NRXN1: variants seen among roughly 807,000 people sequenced by gnomAD.
The protein encoded by NRXN1 is neurexin-1.
Under a neutral mutation model 150.9 loss-of-function variants are expected in NRXN1, and 39 were observed. The observed-to-expected ratio is 0.26, with a 90% CI of 0.20 to 0.34. The LOEUF (loss-of-function observed/expected upper bound fraction) is 0.34, where lower values mean the gene tolerates loss of function less well. Ranked by LOEUF, NRXN1 falls within the 10% of genes least tolerant of loss-of-function variation. NRXN1 has a pLI of 1.00. For missense variants in NRXN1, 1,815 were observed against 1,949.9 expected, an observed-to-expected ratio of 0.93 and a Z score of 1.30; for synonymous variants, 924 against 757.0, an observed-to-expected ratio of 1.22 and a Z score of -3.62.
At chr2:50,255,946 G>T (rs2067658313) in intron 17 of NRXN1, among the ~76,000 whole-genome samples, 1 of 151,912 alleles carries the variant, frequency 6.6e-6, no homozygotes, top group African/African-American at 2.4e-5. Flanking sequence ...TCCTTCCTTG[G>T]AATACTGAAG....
At chr2:50,117,620 C>G (rs1703241799) in intron 18 of NRXN1, among the ~76,000 whole-genome samples, 1 of 152,070 alleles carries the variant, frequency 6.6e-6, no homozygotes, top group Non-Finnish European at 1.5e-5. Flanking sequence ...TAGCAAAAAT[C>G]ATTTCTTGTT....
At chr2:50,226,707 G>T (rs1367555516) in intron 18 of NRXN1, among the ~76,000 whole-genome samples, 1 of 151,926 alleles carries the variant, frequency 6.6e-6, no homozygotes. Context: ...ATCAGAACTA[G>T]AATCTTGCTT....
At chr2:50,254,968 G>C (rs920771797) in intron 17 of NRXN1, among the ~76,000 whole-genome samples, 6 of 151,900 alleles carry the variant, frequency 3.9e-5, no homozygotes, top group Admixed American at 2.6e-4. Flanking sequence ...TACCACACTT[G>C]GCTAATTTTT....
chr2:50,170,540 G>T (rs2059965710), intron 18 of NRXN1, among the ~76,000 whole-genome samples: 1 of 151,928 alleles, frequency 6.6e-6, no homozygotes, highest in African/African-American at 2.4e-5. Context: ...CAAGTGATTC[G>T]CCCACCTTGG....
At chr2:50,439,734 G>A (rs563219821) in intron 17 of NRXN1, among the ~76,000 whole-genome samples, 8 of 151,470 alleles carry the variant, frequency 5.3e-5, no homozygotes, top group South Asian at 2.1e-4. Flanking sequence ...GGAGAATGGC[G>A]TGAACCTGGG....
intron 17 of NRXN1, among the ~76,000 whole-genome samples, chr2:50,443,551 G>C (rs1026521873): frequency 1.3e-5 from 2 of 152,144 alleles, no homozygotes; most frequent in African/African-American, 4.8e-5. Flanking sequence ...CTGAGAATTA[G>C]AATTCCAGGG....
chr2:50,890,447 T>A (rs1415674431), intron 5 of NRXN1, among the ~76,000 whole-genome samples: 1 of 151,824 alleles, frequency 6.6e-6, no homozygotes, highest in Non-Finnish European at 1.5e-5. Context: ...TTTTATTTAA[T>A]GGAGGACATT....
intron 18 of NRXN1, among the ~76,000 whole-genome samples, chr2:50,227,276 T>G (rs1326190417): frequency 6.6e-6 from 1 of 152,018 alleles, no homozygotes; most frequent in East Asian, 1.9e-4. Flanking sequence ...ATAATTTTAA[T>G]AAATAAAAAT....
At chr2:50,421,961 C>G (rs1446192443) in intron 17 of NRXN1, among the ~76,000 whole-genome samples, 4 of 152,116 alleles carry the variant, frequency 2.6e-5, no homozygotes, top group Non-Finnish European at 5.9e-5. Flanking sequence ...CTCTGTACTT[C>G]TCCCATCTGA....
chr2:50,257,866 A>G (rs2067862202), intron 17 of NRXN1, among the ~76,000 whole-genome samples: 1 of 149,616 alleles, frequency 6.7e-6, no homozygotes, highest in South Asian at 2.1e-4. Context: ...AAAAATTTAA[A>G]TTTTTTATTG....
In NRXN1 at chr2:50,167,553, T is replaced by TA. The variant is rs1337139117; in HGVS notation, c.3546+69235dup. 7.0e-3 allele frequency among the ~76,000 whole-genome samples: 983 copies of TA among 139,646 alleles called. 3 individuals are homozygous for TA. Among genetic ancestry groups the TA allele is most frequent in the Non-Finnish European group, 9.0e-3 (572 of 63,818 alleles). The allele number at this position is 139,646 out of a possible 152,430, so 91.6% of individuals were successfully genotyped here. A position where few individuals can be genotyped will look rare whatever the true frequency, so the allele number is the denominator to read the frequency against. ...ATGCCTTTTCCTAAGGAGAAACTGT[T>TA]AAAAAAAAAAAACAACCTGATTATC... On this transcript the variant is annotated intron_variant, in intron 18 of 22. Transcript: ENST00000401669.
At chr2:50,062,577 A>G (rs937864224) in intron 19 of NRXN1, among the ~76,000 whole-genome samples, 1 of 152,218 alleles carries the variant, frequency 6.6e-6, no homozygotes, top group Non-Finnish European at 1.5e-5. Context: ...CTTCCGGGAA[A>G]TGAGAGTAAT....
At chr2:50,203,372 T>G (rs938905181) in intron 18 of NRXN1, among the ~76,000 whole-genome samples, 3 of 152,208 alleles carry the variant, frequency 2.0e-5, no homozygotes, top group Non-Finnish European at 4.4e-5. Flanking sequence ...CTTTACATTC[T>G]TGAATGTGTT....
In NRXN1 at chr2:50,785,271, C is replaced by T. The variant is rs961860931; in HGVS notation, c.832+136598G>A. 1.8e-4 allele frequency among the ~76,000 whole-genome samples: 21 copies of T among 114,624 alleles called. No homozygotes were observed. In the South Asian group the frequency reaches 4.9e-3, roughly 27 times the overall value. The allele number at this position is 114,624 out of a possible 152,430, so 75.2% of individuals were successfully genotyped here. On this transcript the variant is annotated intron_variant, in intron 5 of 22. Coordinates refer to ENST00000401669, the MANE Select transcript of NRXN1 (RefSeq NM_001330078.2). Reference sequence around the variant, plus strand: ...TTTTTTTTTTTTTTTTTTTTTGAGACGGAGTCTCATTCTGTCGCCCCCGCT... The same window carrying T: ...TTTTTTTTTTTTTTTTTTTTTGAGATGGAGTCTCATTCTGTCGCCCCCGCT...
At chr2:50,624,629 G>C (rs187781082) in intron 5 of NRXN1, among the ~76,000 whole-genome samples, 120 of 152,086 alleles carry the variant, frequency 7.9e-4, no homozygotes, top group African/African-American at 2.7e-3. Context: ...TTTATCTCTG[G>C]ATGGAGGGAG....
chr2:50,245,644 G>A (rs1423140605), intron 17 of NRXN1, among the ~76,000 whole-genome samples: 1 of 151,762 alleles, frequency 6.6e-6, no homozygotes, highest in Non-Finnish European at 1.5e-5. Flanking sequence ...GCCTAGCAAT[G>A]TCCTTTAACT....
intron 21 of NRXN1, among the ~76,000 whole-genome samples, chr2:49,963,754 CT>C (rs1399063140): frequency 6.6e-6 from 1 of 152,202 alleles, no homozygotes; most frequent in Non-Finnish European, 1.5e-5. Context: ...TTCTCAATTA[CT>C]TTCATTAAAA....
intron 5 of NRXN1, among the ~76,000 whole-genome samples, chr2:50,819,847 T>C (rs1669466465): frequency 6.6e-6 from 1 of 152,078 alleles, no homozygotes; most frequent in African/African-American, 2.4e-5. Context: ...AATCCCAACA[T>C]ATTGGTACTT....
chr2:50,190,365 A>C (rs916833160), intron 18 of NRXN1, among the ~76,000 whole-genome samples: 1 of 152,134 alleles, frequency 6.6e-6, no homozygotes, highest in African/African-American at 2.4e-5. Flanking sequence ...GGATGCATAA[A>C]AGTTTATTCT....
Sources: gnomAD v4.1 joint callset for allele counts (sites outside exome capture counted in the v4.1 genomes callset) on GRCh38, gnomAD v4.1.1 for gene constraint, MANE v1.5 for transcripts, NCBI Gene and HGNC (gene_info 2026-07-23, HGNC 2026-07-21) for gene names.